The following SCRIB variants were observed in gnomAD, a reference collection of about 807,000 sequenced individuals.
SCRIB encodes the protein protein scribble homolog.
In SCRIB, 72 loss-of-function variants were observed where a neutral mutation model predicts 170.0. That is an observed-to-expected ratio of 0.42 (90% CI 0.35 to 0.52). The LOEUF (loss-of-function observed/expected upper bound fraction) is 0.52, where lower values mean the gene tolerates loss of function less well. SCRIB is among the 20% of genes least tolerant of loss of function. SCRIB has a pLI of 0.02. For synonymous variants in SCRIB, 1,298 were observed against 1,044.3 expected (o/e 1.24, Z -4.68); for missense variants, 2,475 against 2,338.5 (o/e 1.06, Z -1.20).
At chr8:143,814,891 G>A in intron 1 of SCRIB, 1 of 368,354 alleles carries the variant, frequency 2.7e-6, no homozygotes, top group Non-Finnish European at 5.0e-6. Flanking sequence ...GGCCCAAGAA[G>A]CTAGTACTCA....
Position 143,812,352 on chromosome 8 carries a change from C to T in SCRIB, c.820G>A (p.Asp274Asn). 1.9e-6 allele frequency: 3 copies of T among 1,613,752 alleles called. No homozygotes were observed. The highest frequency in any genetic ancestry group is 1.7e-6 in the Non-Finnish European group (2 of 1,179,756). ...GTCACCTCGCACAGCCGATTCTGGT[C>T]TACCTTTAGGATGGATAGCTGCTTC... ...QLKQLSILKV[D>N]QNRLCEVTEA... The change falls in exon 9 of 37, where the codon GAC (aspartate) becomes AAC (asparagine). Residue 274 changes from aspartate (D) to asparagine (N), a missense_variant. Around this residue, in one of 3 missense-constraint regions of SCRIB, gnomAD observed 487 missense variants for 558.1 expected, o/e 0.87. Coordinates refer to ENST00000356994, the MANE Select transcript of SCRIB (RefSeq NM_182706.5).
Position 143,815,616 on chromosome 8 carries a change from G to A in SCRIB, c.-244C>T, listed in dbSNP as rs1488451672. 11 of 982,052 alleles carry A rather than the reference G, an allele frequency of 1.1e-5. No individual in the cohort carries two copies. Among genetic ancestry groups the A allele is most frequent in the African/African-American group, 1.8e-5 (1 of 56,830 alleles). 60.8% of individuals were successfully genotyped at this position (982,052 alleles called of 1,614,324 possible). On this transcript the variant is annotated 5_prime_UTR_variant, in exon 1 of 37. Coordinates refer to ENST00000356994, the MANE Select transcript of SCRIB (RefSeq NM_182706.5). ...GTCTCAGACTCTTAGGAAGCGCGGGGAGCGGCGGCGGCGGCGGCTCCGCAT... is the reference window on the plus strand; with the variant it reads ...GTCTCAGACTCTTAGGAAGCGCGGGAAGCGGCGGCGGCGGCGGCTCCGCAT...
At chr8:143,805,621 C>A (rs944861148) in intron 18 of SCRIB, among the ~76,000 whole-genome samples, 186 bp from the exon 19 acceptor site, 1 of 152,224 alleles carries the variant, frequency 6.6e-6, no homozygotes, top group Non-Finnish European at 1.5e-5. Context: ...GACCCCTCCC[C>A]TACCAGGTCC....
intron 14 of SCRIB, 80 bp downstream of exon 14, chr8:143,809,471 G>T: frequency 6.7e-7 from 1 of 1,494,980 alleles, no homozygotes; most frequent in Non-Finnish European, 9.1e-7. Flanking sequence ...CACCAAAACC[G>T]ATCCCAGCTG....
intron 25 of SCRIB, 22 bp from the exon 26 acceptor site, chr8:143,795,355 C>T (rs1814896852): frequency 3.1e-6 from 5 of 1,612,388 alleles, no homozygotes; most frequent in Middle Eastern, 3.3e-4. Flanking sequence ...GCAGAGCAGA[C>T]CCGTCAGGCA....
Position 143,809,595 on chromosome 8 carries a change from T to G in SCRIB, c.1654A>C (p.Thr552Pro), listed in dbSNP as rs1815610454. 6.2e-7 allele frequency: 1 copy of G among 1,611,588 alleles called. No individual in the cohort carries two copies. The highest frequency in any genetic ancestry group is 1.1e-5 in the South Asian group (1 of 91,072). Residue 552 changes from threonine (T) to proline (P), a missense_variant, in exon 14 of 37, where the codon ACG (threonine) becomes CCG (proline). Coordinates refer to ENST00000356994, the MANE Select transcript of SCRIB (RefSeq NM_182706.5). ...EAQGGSQQEATTAGGEEDAEE... is the reference protein window; with the variant it reads ...EAQGGSQQEAPTAGGEEDAEE... ...GCGTCTTCCTCCCCGCCAGCAGTCG[T>G]GGCTTCCTGCTGGCTCCCACCCTGT...
chr8:143,810,451 C>T (rs767155870), intron 13 of SCRIB, 28 bp downstream of exon 13: 30 of 1,599,366 alleles, frequency 1.9e-5, no homozygotes, highest in South Asian at 3.3e-5. Context: ...GTCAGCGGCC[C>T]GCCAGGTTGC....
rs539209785 is a variant in SCRIB at position 143,792,061 on chromosome 8, C to T, written c.4587G>A (p.Thr1529=). ...VLSRSQEGRG[T]RGPLERLAEA... ...CGGCCAGTCGCTCCAGGGGCCCCCG[C>T]GTGCCCCGGCCTTCCTGGGACCTGC... Residue 1529 remains threonine (T), a synonymous_variant, in exon 33 of 37, where the codon ACG becomes ACA. Transcript: ENST00000356994. The T allele has an allele frequency of 7.5e-5, 120 of 1,590,984 alleles. 2 individuals are homozygous for T. In the South Asian group the frequency reaches 1.2e-3, roughly 15 times the overall value.
chr8:143,803,519 C>G lies in SCRIB; in HGVS notation c.3467G>C (p.Arg1156Pro). The G allele has an allele frequency of 6.2e-7, 1 of 1,604,340 alleles. No homozygotes were observed. Among genetic ancestry groups the G allele is most frequent in the South Asian group, 1.1e-5 (1 of 90,990 alleles). The change falls in exon 24 of 37, where the codon CGG (arginine) becomes CCG (proline). Residue 1156 changes from arginine to proline, a missense_variant. Coordinates refer to ENST00000356994, the MANE Select transcript of SCRIB (RefSeq NM_182706.5). ...GRDGRLRVGL[R>P]LLEVNQQSLL... ...GCTCTGCTGGTTCACCTCCAACAGCCGCAAACCCACACGCAGCCGACCGTC... is the reference window on the plus strand; with the variant it reads ...GCTCTGCTGGTTCACCTCCAACAGCGGCAAACCCACACGCAGCCGACCGTC...
chr8:143,803,254 A>G (rs909664618), intron 24 of SCRIB, 129 bp downstream of exon 24: 6 of 875,984 alleles, frequency 6.8e-6, no homozygotes, highest in Non-Finnish European at 1.0e-5. Flanking sequence ...CGGCTGATGC[A>G]GAGCCGCAGA....
intron 18 of SCRIB, among the ~76,000 whole-genome samples, 182 bp from the exon 19 acceptor site, chr8:143,805,617 T>C (rs1262355650): frequency 6.6e-6 from 1 of 151,824 alleles, no homozygotes; most frequent in Admixed American, 6.6e-5. Flanking sequence ...CACCGACCCC[T>C]CCCCTACCAG....
rs782735344 is a variant in SCRIB at position 143,791,733 on chromosome 8, G to A, written c.4703C>T (p.Ser1568Phe). The change falls in exon 35 of 37, where the codon TCT becomes TTT. Residue 1568 changes from serine to phenylalanine, a missense_variant. Transcript: ENST00000356994. ...TSTSPGRLPLSGKKFDYRAFA... is the reference protein window; with the variant it reads ...TSTSPGRLPLFGKKFDYRAFA... ...GGCCCTGTAGTCAAACTTCTTTCCA[G>A]ACAAGGGCTTGAAAGGACAGCGTGA... is the stretch of plus-strand genomic sequence containing the variant. The A allele has an allele frequency of 3.8e-6, 6 of 1,598,254 alleles. No individual in the cohort carries two copies.
chr8:143,814,200 G>A (rs899223150), intron 1 of SCRIB, 82 bp from the exon 2 acceptor site: 4 of 1,179,780 alleles, frequency 3.4e-6, no homozygotes, highest in Non-Finnish European at 4.9e-6. Flanking sequence ...AGTGTCACAA[G>A]TCAAGAGTCC....
Position 143,791,865 on chromosome 8 carries a change from C to A in SCRIB, c.4695+11G>T, listed in dbSNP as rs782497802. On this transcript the variant is annotated intron_variant, in intron 34 of 36. Coordinates refer to ENST00000356994, the MANE Select transcript of SCRIB (RefSeq NM_182706.5). ...GGGGGTGAAGGGAAGGCATAGCCACCGGCTCCTCACCAGGCGTCCCGGGGA... is the reference window on the plus strand; with the variant it reads ...GGGGGTGAAGGGAAGGCATAGCCACAGGCTCCTCACCAGGCGTCCCGGGGA... The A allele has an allele frequency of 6.5e-7, 1 of 1,533,732 alleles. No individual in the cohort carries two copies. The highest frequency in any genetic ancestry group is 8.8e-7 in the Non-Finnish European group (1 of 1,137,192).
At chr8:143,806,382 C>T (rs373118800) in intron 18 of SCRIB, 25 bp downstream of exon 18, 38 of 1,574,294 alleles carry the variant, frequency 2.4e-5, no homozygotes, top group South Asian at 3.5e-5. Flanking sequence ...AGCTGCCACT[C>T]GGGGCGGAGA....
At position 143,815,609 on chromosome 8, in the gene SCRIB, G is replaced by A. The variant is rs1355503519; in HGVS notation, c.-237C>T. ...CCGGCGGGTCTCAGACTCTTAGGAA[G>A]CGCGGGGAGCGGCGGCGGCGGCGGC... is the stretch of plus-strand genomic sequence containing the variant. On this transcript the variant is annotated 5_prime_UTR_variant, in exon 1 of 37. Coordinates refer to ENST00000356994, the MANE Select transcript of SCRIB (RefSeq NM_182706.5). The A allele has an allele frequency of 3.1e-6, 3 of 982,154 alleles. No homozygotes were observed. In the African/African-American group the frequency reaches 5.3e-5, roughly 17 times the overall value. 60.8% of individuals were successfully genotyped at this position (982,154 alleles called of 1,614,324 possible).
chr8:143,800,597 T>C (rs981507456), intron 24 of SCRIB, among the ~76,000 whole-genome samples: 53 of 152,340 alleles, frequency 3.5e-4, no homozygotes, highest in Admixed American at 2.9e-3. Context: ...ACCCCAAGGC[T>C]GGGCGCAGGG....
At position 143,805,412 on chromosome 8, in the gene SCRIB, G is replaced by T; in HGVS notation, c.2370C>A (p.Gly790=). 1 of 1,517,464 alleles carries T rather than the reference G, an allele frequency of 6.6e-7. No individual in the cohort carries two copies. The allele number at this position is 1,517,464 out of a possible 1,614,324, so 94.0% of individuals were successfully genotyped here. A position where few individuals can be genotyped will look rare whatever the true frequency, so the allele number is the denominator to read the frequency against. ...LLEVNGVALQ[G]AEHHEAVEAL... ...CCTCCACGGCCTCGTGGTGCTCGGC[G>T]CCCTGCAGAGCCACACCATTCACCT... Residue 790 remains glycine (G), a synonymous_variant, in exon 19 of 37, where the codon GGC becomes GGA. Transcript: ENST00000356994.
rs759905026 is a variant in SCRIB, at chr8:143,814,063, T to C, written c.215A>G (p.Gln72Arg). The C allele has an allele frequency of 3.9e-6, 6 of 1,557,072 alleles. No homozygotes were observed. Among genetic ancestry groups the C allele is most frequent in the Non-Finnish European group, 5.2e-6 (6 of 1,150,134 alleles). Residue 72 changes from glutamine (Q) to arginine (R), a missense_variant, in exon 2 of 37, where the codon CAG (glutamine) becomes CGG (arginine). Gln to Arg is a conservative substitution (Grantham distance 43, BLOSUM62 1). This residue lies in a region of SCRIB where 487 missense variants were observed against 558.1 expected (regional missense o/e 0.87). Coordinates refer to ENST00000356994, the MANE Select transcript of SCRIB (RefSeq NM_182706.5). ...GTTGGCCACCTCGGGAGGCAACCGC[T>C]GGATCTCGTTGTCGCTCAGGCCCAG... ...RKLGLSDNEIQRLPPEVANFM... is the reference protein window; with the variant it reads ...RKLGLSDNEIRRLPPEVANFM...
Sources: allele counts gnomAD v4.1 joint callset (sites outside exome capture counted in the v4.1 genomes callset), GRCh38; gene constraint gnomAD v4.1.1; regional missense constraint gnomAD v4.1.1; transcripts MANE v1.5; gene names NCBI Gene and HGNC (gene_info 2026-07-23, HGNC 2026-07-21).